Variants in TRHDE observed in about 807,000 individuals in gnomAD.
TRHDE encodes thyrotropin releasing hormone degrading enzyme, also known as thyrotropin-releasing hormone-degrading ectoenzyme.
In TRHDE, 72 loss-of-function variants were observed where a neutral mutation model predicts 125.7. That is an observed-to-expected ratio of 0.57 (90% CI 0.47 to 0.70). TRHDE has a LOEUF of 0.70. Ranked by LOEUF, TRHDE falls within the 30% of genes least tolerant of loss-of-function variation. The pLI, the probability that TRHDE is intolerant of heterozygous loss-of-function variation, is 0.00. For missense variants in TRHDE, 1,110 were observed against 1,327.1 expected (o/e 0.84, Z 2.54); for synonymous variants, 509 against 509.1 (o/e 1.00, Z 0.00).
At chr12:72,517,427 T>G (rs2135956942) in intron 6 of TRHDE, among the ~76,000 whole-genome samples, 1 of 152,280 alleles carries the variant, frequency 6.6e-6, no homozygotes, top group South Asian at 2.1e-4. Context: ...CTAGTTTATT[T>G]GCATAGAGGT....
chr12:72,557,528 G>T (rs1321273310), intron 7 of TRHDE, among the ~76,000 whole-genome samples: 1 of 152,116 alleles, frequency 6.6e-6, no homozygotes, highest in Non-Finnish European at 1.5e-5. Flanking sequence ...CCATTTATGT[G>T]GTTAATCCTC....
chr12:72,570,520 G>T (rs548608554), intron 10 of TRHDE, among the ~76,000 whole-genome samples: 1 of 146,162 alleles, frequency 6.8e-6, no homozygotes, highest in Non-Finnish European at 1.5e-5. Flanking sequence ...GGCGGAGGTT[G>T]CAGTGAGCCG....
intron 5 of TRHDE, among the ~76,000 whole-genome samples, chr12:72,484,980 C>A (rs1009556154): frequency 6.6e-6 from 1 of 152,126 alleles, no homozygotes; most frequent in Admixed American, 6.5e-5. Context: ...TCATTGCCTC[C>A]GTCACCCCAT....
At chr12:72,654,034 C>A (rs1213488968) in intron 17 of TRHDE, among the ~76,000 whole-genome samples, 1 of 152,066 alleles carries the variant, frequency 6.6e-6, no homozygotes, top group African/African-American at 2.4e-5. Context: ...GACACATTGA[C>A]TTTTTTAATA....
chr12:72,210,101 C>CA (rs1322904317), intron 2 of TRHDE, among the ~76,000 whole-genome samples: 2 of 152,010 alleles, frequency 1.3e-5, no homozygotes, highest in Non-Finnish European at 2.9e-5. Flanking sequence ...TTTAAAGTTT[C>CA]AATATTAATA....
intron 1 of TRHDE, among the ~76,000 whole-genome samples, chr12:72,281,933 T>A (rs1879711098): frequency 1.3e-5 from 2 of 152,204 alleles, no homozygotes; most frequent in South Asian, 4.1e-4. Flanking sequence ...AAGCCTTCCT[T>A]CTTAGCTCAA....
intron 3 of TRHDE, among the ~76,000 whole-genome samples, chr12:72,446,351 G>A (rs1334112934): frequency 1.3e-5 from 2 of 151,766 alleles, no homozygotes. Context: ...GAGAGCTCCT[G>A]AAGGAAGCAC....
chr12:72,386,728 C>T (rs1872434282), intron 3 of TRHDE, among the ~76,000 whole-genome samples: 1 of 152,136 alleles, frequency 6.6e-6, no homozygotes, highest in Non-Finnish European at 1.5e-5. Context: ...TATACTAAAA[C>T]TTCTCAAATT....
chr12:72,262,469 T>C (rs1878972590), intron 2 of TRHDE: 1 of 152,212 alleles, frequency 6.6e-6, no homozygotes, highest in Admixed American at 6.5e-5. Context: ...ATCAGCAGTT[T>C]AATTTGACTA....
rs1219150808 is a variant in TRHDE, at chr12:72,471,439, G to A, written c.1470+1527G>A. ...AGTTCTGTGGAAGTGAAAGCGCACC[G>A]ATAATGTGTAATTGTTCGGAGAACT... On this transcript the variant is annotated intron_variant, in intron 4 of 18. Coordinates refer to ENST00000261180, the MANE Select transcript of TRHDE (RefSeq NM_013381.3). Among the ~76,000 whole-genome samples, 3 of 152,138 alleles carry A rather than the reference G, an allele frequency of 2.0e-5. 1 individual carries two copies. Among genetic ancestry groups the A allele is most frequent in the Admixed American group, 2.0e-4 (3 of 15,280 alleles).
intron 2 of TRHDE, among the ~76,000 whole-genome samples, chr12:72,247,655 G>T (rs1374949038): frequency 6.6e-6 from 1 of 152,008 alleles, no homozygotes; most frequent in Non-Finnish European, 1.5e-5. Flanking sequence ...GTATATTTTG[G>T]GATTGTACTG....
At chr12:72,562,502 TA>T (rs5799081) in intron 8 of TRHDE, among the ~76,000 whole-genome samples, 62 of 151,366 alleles carry the variant, frequency 4.1e-4, no homozygotes, top group Middle Eastern at 3.7e-3. Flanking sequence ...ATATTCATGT[TA>T]AAAAAAAATT....
chr12:72,250,862 A>ATATATATATATATATT (rs981275202), intron 2 of TRHDE, among the ~76,000 whole-genome samples: 1 of 144,260 alleles, frequency 6.9e-6, no homozygotes, highest in Non-Finnish European at 1.5e-5. Flanking sequence ...ATATATATAT[A>ATATATATATATATATT]TTTTATTTTT....
chr12:72,404,128 C>G (rs767556424), intron 3 of TRHDE, among the ~76,000 whole-genome samples: 1 of 152,016 alleles, frequency 6.6e-6, no homozygotes, highest in Non-Finnish European at 1.5e-5. Flanking sequence ...AAGACATAAC[C>G]GAGGGCTGAG....
chr12:72,501,410 C>T (rs1193315579), intron 6 of TRHDE, among the ~76,000 whole-genome samples: 3 of 152,006 alleles, frequency 2.0e-5, no homozygotes, highest in African/African-American at 7.2e-5. Context: ...TGGATGTTGA[C>T]TCAATTCAAT....
At chr12:72,214,969 C>G (rs1311814378) in intron 2 of TRHDE, among the ~76,000 whole-genome samples, 2 of 152,092 alleles carry the variant, frequency 1.3e-5, no homozygotes, top group Admixed American at 1.3e-4. Flanking sequence ...TCCATGCAAA[C>G]GATCATTTAT....
At chr12:72,305,694 G>C (rs1032192847) in intron 2 of TRHDE, among the ~76,000 whole-genome samples, 6 of 152,190 alleles carry the variant, frequency 3.9e-5, no homozygotes, top group Non-Finnish European at 8.8e-5. Flanking sequence ...AAGCCGGCAA[G>C]ACAAAACAAA....
intron 6 of TRHDE, among the ~76,000 whole-genome samples, chr12:72,515,799 A>G (rs1207773109): frequency 6.6e-6 from 1 of 151,920 alleles, no homozygotes; most frequent in African/African-American, 2.4e-5. Context: ...TGTTTAATCC[A>G]TCTTGAATTG....
intron 2 of TRHDE, among the ~76,000 whole-genome samples, chr12:72,208,879 G>T (rs1364947671): frequency 6.6e-6 from 1 of 152,114 alleles, no homozygotes; most frequent in Non-Finnish European, 1.5e-5. Context: ...GTTGTGTTCA[G>T]CAGGTTGTTA....
Sources: gnomAD v4.1 joint callset for allele counts (sites outside exome capture counted in the v4.1 genomes callset) on GRCh38, gnomAD v4.1.1 for gene constraint, MANE v1.5 for transcripts, NCBI Gene and HGNC (gene_info 2026-07-23, HGNC 2026-07-21) for gene names.